The following ME2 variants were observed in gnomAD, a reference collection of about 807,000 sequenced individuals.
The protein encoded by ME2 is malic enzyme 2.
In ME2, 60 loss-of-function variants were observed where a neutral mutation model predicts 73.7. The observed-to-expected ratio is 0.81, with a 90% CI of 0.66 to 1.01. The LOEUF is 1.01. Among genes scored for constraint, ME2 ranks in the 50% least tolerant of loss-of-function variants. The probability of loss-of-function intolerance (pLI) is 0.00; values close to 1 mark genes in which losing one functional copy is unlikely to be tolerated. For synonymous variants in ME2, 199 were observed against 236.9 expected, an observed-to-expected ratio of 0.84 and a Z score of 1.47; for missense variants, 594 against 705.5, an observed-to-expected ratio of 0.84 and a Z score of 1.79.
intron 13 of ME2, chr18:50,939,139 A>AG (rs1491228780): frequency 1.8e-5 from 2 of 113,664 alleles, no homozygotes; most frequent in African/African-American, 6.0e-5. Flanking sequence ...AAAAAAAAAA[A>AG]GAAAAAAAAA....
At chr18:50,939,915 T>C (rs1917907888) in intron 14 of ME2, 1 of 426,018 alleles carries the variant, frequency 2.3e-6, no homozygotes, top group Non-Finnish European at 4.2e-6. Flanking sequence ...AGATAACTCC[T>C]TGCATGTTTT....
At chr18:50,936,823 C>G (rs1917830009) in intron 13 of ME2, among the ~76,000 whole-genome samples, 1 of 151,910 alleles carries the variant, frequency 6.6e-6, no homozygotes, top group Non-Finnish European at 1.5e-5. Context: ...CCCAGCTACT[C>G]CAGACACCGA....
At chr18:50,884,521 T>C (rs560560847) in intron 1 of ME2, among the ~76,000 whole-genome samples, 1 of 152,160 alleles carries the variant, frequency 6.6e-6, no homozygotes, top group South Asian at 2.1e-4. Flanking sequence ...CTAATTTTTG[T>C]ACTTTTAGTA....
chr18:50,904,230 T>C (rs907187047), intron 2 of ME2, among the ~76,000 whole-genome samples: 4 of 152,136 alleles, frequency 2.6e-5, no homozygotes, highest in African/African-American at 9.7e-5. Flanking sequence ...TTCCACTTAT[T>C]TGTGTCCCTT....
At position 50,924,171 on chromosome 18, in the gene ME2, TTGAAGA is replaced by T. The variant is rs757339443; in HGVS notation, c.1133_1138del (p.Glu378_Asp379del). The stretch of plus-strand genomic sequence containing the variant: ...GCCCCAGAGAGCATACCTGATACTT[TTGAAGA>T]TGCAGTGAATATACTGAAGCCTTCA... On this transcript the variant is annotated inframe_deletion, in exon 11 of 16. Coordinates refer to ENST00000321341, the MANE Select transcript of ME2 (RefSeq NM_002396.5). The T allele has an allele frequency of 6.2e-6, 10 of 1,613,280 alleles. No homozygotes were observed. The highest frequency in any genetic ancestry group is 4.5e-5 in the East Asian group (2 of 44,808).
intron 3 of ME2, among the ~76,000 whole-genome samples, chr18:50,909,115 G>A (rs751907023): frequency 6.6e-5 from 10 of 151,668 alleles, no homozygotes; most frequent in Non-Finnish European, 1.2e-4. Flanking sequence ...CACCACACCC[G>A]GCTAATTTTT....
chr18:50,932,211 C>G (rs1038485778), intron 12 of ME2, 47 bp from the exon 13 acceptor site: 1 of 1,513,458 alleles, frequency 6.6e-7, no homozygotes, highest in African/African-American at 1.4e-5. Context: ...TCAATTTTCT[C>G]ATCCACAGAA....
chr18:50,927,062 A>G (rs532464738), intron 12 of ME2, among the ~76,000 whole-genome samples: 3 of 152,296 alleles, frequency 2.0e-5, no homozygotes, highest in Admixed American at 6.5e-5. Context: ...AAGATTCACT[A>G]CTTTTAGATC....
intron 1 of ME2, among the ~76,000 whole-genome samples, chr18:50,890,972 A>G (rs2144188663): frequency 6.6e-6 from 1 of 152,318 alleles, no homozygotes; most frequent in East Asian, 1.9e-4. Flanking sequence ...CAGGTACTGA[A>G]GATAAACGTA....
At chr18:50,925,064 G>A (rs960816271) in intron 11 of ME2, among the ~76,000 whole-genome samples, 10 of 152,014 alleles carry the variant, frequency 6.6e-5, no homozygotes, top group Non-Finnish European at 1.3e-4. Flanking sequence ...CATATAAATG[G>A]AATGACATGG....
At chr18:50,941,353 C>CT (rs57428974) in intron 15 of ME2, among the ~76,000 whole-genome samples, 1,428 of 63,812 alleles carry the variant, frequency 0.022, 270 homozygotes, top group African/African-American at 0.054. Flanking sequence ...GTGATGGTTT[C>CT]TTTTTTTTTT....
At chr18:50,902,203 A>C (rs1916907287) in intron 2 of ME2, among the ~76,000 whole-genome samples, 1 of 152,172 alleles carries the variant, frequency 6.6e-6, no homozygotes, top group African/African-American at 2.4e-5. Context: ...TCCATCCCTA[A>C]GATTTAAGGA....
chr18:50,880,372 A>G (rs553951888), intron 1 of ME2, among the ~76,000 whole-genome samples: 11 of 152,104 alleles, frequency 7.2e-5, no homozygotes, highest in African/African-American at 2.7e-4. Context: ...ACTCCCTTAA[A>G]CGTGTATACT....
chr18:50,916,842 C>G (rs1052354750), intron 5 of ME2: 9 of 152,306 alleles, frequency 5.9e-5, no homozygotes, highest in African/African-American at 2.2e-4. Context: ...TTTGAATACT[C>G]TAGCAAAAAT....
chr18:50,918,830 A>G (rs1272874246), intron 7 of ME2, among the ~76,000 whole-genome samples: 1 of 152,092 alleles, frequency 6.6e-6, no homozygotes, highest in East Asian at 1.9e-4. Flanking sequence ...TAAACCCATA[A>G]AAACCCATCT....
At chr18:50,916,120 A>T in intron 4 of ME2, 48 bp from the exon 5 acceptor site, 1 of 1,262,852 alleles carries the variant, frequency 7.9e-7, no homozygotes, top group Non-Finnish European at 1.1e-6. Flanking sequence ...ACAAAAACTT[A>T]GAAACAAAGC....
chr18:50,890,794 AC>A (rs971367714), intron 1 of ME2, among the ~76,000 whole-genome samples: 49 of 152,178 alleles, frequency 3.2e-4, no homozygotes, highest in African/African-American at 1.1e-3. Flanking sequence ...CCAGTATAAA[AC>A]CTAGTAGGAA....
chr18:50,886,729 A>G (rs1916481843), intron 1 of ME2, among the ~76,000 whole-genome samples: 1 of 152,080 alleles, frequency 6.6e-6, no homozygotes. Context: ...GGCTGGATGC[A>G]GTGGCTCACA....
At chr18:50,939,844 C>A in intron 14 of ME2, 1 of 518,772 alleles carries the variant, frequency 1.9e-6, no homozygotes. Context: ...TGAATCCTCT[C>A]GTTTTAATAA....
Sources: allele counts gnomAD v4.1 joint callset (sites outside exome capture counted in the v4.1 genomes callset), GRCh38; gene constraint gnomAD v4.1.1; transcripts MANE v1.5; gene names NCBI Gene and HGNC (gene_info 2026-07-23, HGNC 2026-07-21).